Variants in SMAP1 observed in about 807,000 individuals in gnomAD.
SMAP1 encodes stromal membrane-associated protein 1.
SMAP1 carries 24 observed loss-of-function variants against 58.5 expected under a neutral mutation model. The observed-to-expected ratio is 0.41, with a 90% CI of 0.30 to 0.58. SMAP1 has a LOEUF of 0.58. SMAP1 is among the 20% of genes least tolerant of loss of function. SMAP1 has a pLI of 0.29. For missense variants in SMAP1, 563 were observed against 566.3 expected (o/e 0.99, Z 0.06); for synonymous variants, 216 against 196.6 (o/e 1.10, Z -0.82).
chr6:70,784,555 C>T (rs1488717962), intron 4 of SMAP1, among the ~76,000 whole-genome samples: 2 of 152,076 alleles, frequency 1.3e-5, no homozygotes, highest in East Asian at 1.9e-4. Flanking sequence ...ATTCAGGAAA[C>T]CCATCTCACA....
intron 9 of SMAP1, chr6:70,857,565 G>A (rs1771483562): frequency 4.2e-6 from 1 of 236,042 alleles, no homozygotes; most frequent in Non-Finnish European, 8.3e-6. Context: ...GATATAGTCA[G>A]CTCTCACTTC....
chr6:70,727,539 T>TA (rs1166686093), intron 1 of SMAP1, among the ~76,000 whole-genome samples: 1 of 152,244 alleles, frequency 6.6e-6, no homozygotes, highest in African/African-American at 2.4e-5. Context: ...ATATGATTAT[T>TA]AGAGTTCAAG....
At chr6:70,767,566 A>G (rs2149904789) in intron 3 of SMAP1, among the ~76,000 whole-genome samples, 2 of 151,886 alleles carry the variant, frequency 1.3e-5, no homozygotes, top group East Asian at 3.9e-4. Flanking sequence ...TTATTGGTGT[A>G]TAAGAATGCT....
At chr6:70,767,760 T>A (rs1308297762) in intron 3 of SMAP1, among the ~76,000 whole-genome samples, 4 of 140,020 alleles carry the variant, frequency 2.9e-5, no homozygotes, top group Non-Finnish European at 6.1e-5. Flanking sequence ...CCTGCCTAAT[T>A]GCCCTGGCCA....
At position 70,860,498 on chromosome 6, in the gene SMAP1, T is replaced by C; in HGVS notation, c.*164T>C. ...GTTGGTCTGTACTGATTCAATTTGA[T>C]GTGGTGAAAAGCAGGTTGATAAATC... On this transcript the variant is annotated 3_prime_UTR_variant, in exon 11 of 11. Transcript: ENST00000370455. The C allele has an allele frequency of 1.1e-5, 8 of 697,606 alleles. No individual in the cohort carries two copies. Among genetic ancestry groups the C allele is most frequent in the Non-Finnish European group, 1.7e-5 (8 of 483,842 alleles). The allele number at this position is 697,606 out of a possible 1,614,324, so 43.2% of individuals were successfully genotyped here.
intron 1 of SMAP1, among the ~76,000 whole-genome samples, chr6:70,675,444 C>T (rs1183858544): frequency 1.3e-5 from 2 of 150,952 alleles, no homozygotes; most frequent in East Asian, 3.9e-4. Context: ...TGAGGTCAGG[C>T]GTTTGAGACC....
At chr6:70,857,284 T>TA (rs1223342669) in intron 9 of SMAP1, 1 of 301,422 alleles carries the variant, frequency 3.3e-6, no homozygotes, top group Non-Finnish European at 6.1e-6. Flanking sequence ...CACAAGCTTA[T>TA]AGAACATGGA....
At chr6:70,763,508 G>A (rs897851399) in intron 3 of SMAP1, among the ~76,000 whole-genome samples, 10 of 152,086 alleles carry the variant, frequency 6.6e-5, no homozygotes, top group Non-Finnish European at 1.5e-4. Flanking sequence ...GCTTCTAAGT[G>A]TTCTAGTAAA....
chr6:70,858,225 C>T lies in SMAP1; in HGVS notation c.1265C>T (p.Ser422Leu). The change falls in exon 10 of 11, where the codon TCA (serine) becomes TTA (leucine). Residue 422 changes from serine (S) to leucine (L), a missense_variant. Physicochemically the swap from Ser to Leu is moderately radical, Grantham distance 145. Around this residue, in one of 3 missense-constraint regions of SMAP1, gnomAD observed 494 missense variants for 473.8 expected, o/e 1.04. Transcript: ENST00000370455. ...GCTCAGCAGCCCCAGTGGAGCCTCT[C>T]ACAGGTAGGGGTCATTTACTTTCTA... ...PQAQQPQWSLSQMNQQMAGMS... is the reference protein window; with the variant it reads ...PQAQQPQWSLLQMNQQMAGMS... 1 of 1,605,612 alleles carries T rather than the reference C, an allele frequency of 6.2e-7. No individual in the cohort carries two copies. Among genetic ancestry groups the T allele is most frequent in the Non-Finnish European group, 8.5e-7 (1 of 1,175,938 alleles).
At chr6:70,779,386 G>A (rs1273353338) in intron 4 of SMAP1, among the ~76,000 whole-genome samples, 1 of 152,220 alleles carries the variant, frequency 6.6e-6, no homozygotes, top group East Asian at 1.9e-4. Flanking sequence ...GCACTGTGCA[G>A]CAGCAGCTTG....
intron 6 of SMAP1, among the ~76,000 whole-genome samples, chr6:70,804,197 G>A (rs759116245): frequency 6.6e-6 from 1 of 152,126 alleles, no homozygotes; most frequent in African/African-American, 2.4e-5. Flanking sequence ...ATATATTTAG[G>A]ATAGTTAGCT....
chr6:70,799,290 A>G (rs1768743341), intron 6 of SMAP1, among the ~76,000 whole-genome samples: 1 of 152,188 alleles, frequency 6.6e-6, no homozygotes, highest in Non-Finnish European at 1.5e-5. Flanking sequence ...TTGAACTCAA[A>G]TTGTAGATGT....
intron 3 of SMAP1, among the ~76,000 whole-genome samples, chr6:70,765,334 A>C (rs1487433850): frequency 6.6e-6 from 1 of 152,228 alleles, no homozygotes; most frequent in African/African-American, 2.4e-5. Flanking sequence ...TAGTTGATGT[A>C]AACAAAAGTT....
chr6:70,794,749 G>A (rs2149947969), intron 5 of SMAP1, among the ~76,000 whole-genome samples: 1 of 150,858 alleles, frequency 6.6e-6, no homozygotes, highest in East Asian at 1.9e-4. Flanking sequence ...TTTTATGGCT[G>A]CATAGTATTC....
At chr6:70,771,081 A>G (rs1485652658) in intron 3 of SMAP1, among the ~76,000 whole-genome samples, 1 of 152,120 alleles carries the variant, frequency 6.6e-6, no homozygotes, top group Non-Finnish European at 1.5e-5. Flanking sequence ...GTGAACCATG[A>G]ATGCTGCTGC....
chr6:70,755,180 T>TA lies in SMAP1; in HGVS notation c.338+118dup. 6 of 812,678 alleles carry TA rather than the reference T, an allele frequency of 7.4e-6. No homozygotes were observed. In the Middle Eastern group the frequency reaches 1.9e-3, roughly 260 times the overall value. 50.3% of individuals were successfully genotyped at this position (812,678 alleles called of 1,614,324 possible). The stretch of plus-strand genomic sequence containing the variant: ...TGAACTTTATCACGCTACTGTTCAT[T>TA]AAAGATAGAAATTGACTTGCTGTGA... On this transcript the variant is annotated intron_variant, in intron 3 of 10. Coordinates refer to ENST00000370455, the MANE Select transcript of SMAP1 (RefSeq NM_001044305.3).
At position 70,758,376 on chromosome 6, in the gene SMAP1, G is replaced by C. The variant is rs1242125279; in HGVS notation, c.338+3311G>C. On this transcript the variant is annotated intron_variant, in intron 3 of 10. Coordinates refer to ENST00000370455, the MANE Select transcript of SMAP1 (RefSeq NM_001044305.3). ...CACACTCTGGGGACTGTGGTGGGGTGGGGGGAGGGGGGAGGGATAGCATTG... is the reference window on the plus strand; with the variant it reads ...CACACTCTGGGGACTGTGGTGGGGTCGGGGGAGGGGGGAGGGATAGCATTG... Among the ~76,000 whole-genome samples the C allele has an allele frequency of 1.8e-3, 218 of 118,996 alleles. 1 individual carries two copies. Among genetic ancestry groups the C allele is most frequent in the African/African-American group, 6.4e-3 (203 of 31,902 alleles). The allele number at this position is 118,996 out of a possible 152,430, so 78.1% of individuals were successfully genotyped here.
chr6:70,766,951 A>C (rs1306181627), intron 3 of SMAP1, among the ~76,000 whole-genome samples: 5 of 151,990 alleles, frequency 3.3e-5, no homozygotes, highest in African/African-American at 4.8e-5. Flanking sequence ...ATCCAGTTTC[A>C]GCTTTCTACA....
chr6:70,767,524 G>A (rs886523488), intron 3 of SMAP1, among the ~76,000 whole-genome samples: 6 of 152,216 alleles, frequency 3.9e-5, no homozygotes, highest in African/African-American at 1.4e-4. Flanking sequence ...GTGCATGGGA[G>A]TTCACTCATG....
Sources: gnomAD v4.1 joint callset for allele counts (sites outside exome capture counted in the v4.1 genomes callset) on GRCh38, gnomAD v4.1.1 for gene constraint, gnomAD v4.1.1 regional missense constraint, MANE v1.5 for transcripts, NCBI Gene and HGNC (gene_info 2026-07-23, HGNC 2026-07-21) for gene names.